FAM83A: variants seen among roughly 807,000 people sequenced by gnomAD.
The protein encoded by FAM83A is scaffolding CK1 anchoring protein A, also known as protein FAM83A.
Under a neutral mutation model 24.4 loss-of-function variants are expected in FAM83A, and 21 were observed. The ratio of observed to expected loss-of-function variants is 0.86; its 90% confidence interval spans 0.61 to 1.24. The LOEUF (loss-of-function observed/expected upper bound fraction) is 1.24, where lower values mean the gene tolerates loss of function less well. FAM83A is among the 50% of genes most tolerant of loss of function. The probability of loss-of-function intolerance (pLI) is 0.00; values close to 1 mark genes in which losing one functional copy is unlikely to be tolerated. For synonymous variants in FAM83A, 270 were observed against 252.4 expected (o/e 1.07, Z -0.66); for missense variants, 617 against 579.8 (o/e 1.06, Z -0.66).
At chr8:123,183,161 C>T (rs201999592) in exon 1 of FAM83A, 4 of 1,613,826 alleles carry the variant, frequency 2.5e-6, no homozygotes, top group African/African-American at 1.3e-5. Flanking sequence ...TCCCTACAGT[C>T]CGGCACCTAC....
At chr8:123,207,043 C>T (rs1201667255) in intron 3 of FAM83A, 114 bp from the exon 4 acceptor site, 2 of 425,478 alleles carry the variant, frequency 4.7e-6, no homozygotes, top group Non-Finnish European at 7.4e-6. Context: ...CCTCTCCCTC[C>T]TTCTCCTTCC....
intron 1 of FAM83A, among the ~76,000 whole-genome samples, chr8:123,185,815 G>A (rs1208868574): frequency 6.6e-6 from 1 of 152,160 alleles, no homozygotes; most frequent in Non-Finnish European, 1.5e-5. Flanking sequence ...TTTTGAGACG[G>A]AGTCTCACTC....
At chr8:123,207,242 C>T in exon 4 of FAM83A, 1 of 1,612,768 alleles carries the variant, frequency 6.2e-7, no homozygotes, top group Non-Finnish European at 8.5e-7. Flanking sequence ...CGAGGAGTTC[C>T]GCCACCTCTA....
Position 123,209,084 on chromosome 8 carries a change from G to A in FAM83A, c.*1396G>A. 1 of 1,013,396 alleles carries A rather than the reference G, an allele frequency of 9.9e-7. No homozygotes were observed. 62.8% of individuals were successfully genotyped at this position (1,013,396 alleles called of 1,614,324 possible). Reference sequence around the variant, plus strand: ...TTAACCCTGCACCTCAGGTGTGATAGTGGGGTCAGTGGTATGTGATCCAGG... The same window carrying A: ...TTAACCCTGCACCTCAGGTGTGATAATGGGGTCAGTGGTATGTGATCCAGG... On this transcript the variant is annotated 3_prime_UTR_variant, in exon 4 of 4. Transcript: ENST00000690554. The surrounding 1 kb of genome is among the most constrained non-coding windows in gnomAD (Gnocchi z 4.7).
chr8:123,190,799 C>T (rs1435736619), intron 1 of FAM83A, among the ~76,000 whole-genome samples: 1 of 152,192 alleles, frequency 6.6e-6, no homozygotes, highest in Non-Finnish European at 1.5e-5. Flanking sequence ...CTCCTGGCTG[C>T]TTTCTCCAGG....
intron 1 of FAM83A, among the ~76,000 whole-genome samples, chr8:123,190,930 T>A (rs1823952790): frequency 6.6e-6 from 1 of 152,038 alleles, no homozygotes; most frequent in Non-Finnish European, 1.5e-5. Flanking sequence ...TTCCCAGGAG[T>A]CCCAGCTAAA....
At chr8:123,195,310 G>A (rs1824112027) in intron 3 of FAM83A, among the ~76,000 whole-genome samples, 1 of 152,134 alleles carries the variant, frequency 6.6e-6, no homozygotes, top group Admixed American at 6.5e-5. Flanking sequence ...CTTTCCCCAG[G>A]GAGCAGGAGC....
At chr8:123,206,231 C>T (rs936566244) in intron 3 of FAM83A, among the ~76,000 whole-genome samples, 1 of 152,114 alleles carries the variant, frequency 6.6e-6, no homozygotes. Context: ...TGGCCCCAGG[C>T]CTCTCCTTGA....
At chr8:123,207,414 C>G in exon 4 of FAM83A, 1 of 1,610,510 alleles carries the variant, frequency 6.2e-7, no homozygotes, top group Admixed American at 1.7e-5. Flanking sequence ...GGCAGCCACC[C>G]CGGTACCCGA....
exon 1 of FAM83A, chr8:123,183,235 C>A (rs1159052765): frequency 1.2e-6 from 2 of 1,613,310 alleles, no homozygotes; most frequent in South Asian, 1.1e-5. Context: ...AGCTGAGAAG[C>A]CCTACCTGAA....
chr8:123,200,988 C>CAT (rs1554630486), intron 3 of FAM83A, among the ~76,000 whole-genome samples: 15 of 145,714 alleles, frequency 1.0e-4, no homozygotes, highest in African/African-American at 3.9e-4. Flanking sequence ...TATATATACA[C>CAT]ATATATACAA....
chr8:123,209,683 C>A lies in FAM83A; in HGVS notation c.*1995C>A. 1.0e-6 allele frequency: 1 copy of A among 1,000,936 alleles called. No homozygotes were observed. The highest frequency in any genetic ancestry group is 1.5e-6 in the Non-Finnish European group (1 of 665,222). 62.0% of individuals were successfully genotyped at this position (1,000,936 alleles called of 1,614,324 possible). On this transcript the variant is annotated 3_prime_UTR_variant, in exon 4 of 4. Transcript: ENST00000690554. The surrounding 1 kb of genome is among the most constrained non-coding windows in gnomAD (Gnocchi z 4.7). ...GGCCTCAGCCTGTGCCTGTGTCGAG[C>A]TCAGTCCTGGGAGATAGGGGAGAAC... is the stretch of plus-strand genomic sequence containing the variant.
chr8:123,204,679 T>C (rs1192475056), intron 3 of FAM83A, among the ~76,000 whole-genome samples: 1 of 151,966 alleles, frequency 6.6e-6, no homozygotes, highest in Admixed American at 6.5e-5. Context: ...GGAGAATGGC[T>C]TGAACCCAGG....
intron 1 of FAM83A, among the ~76,000 whole-genome samples, chr8:123,189,505 A>G (rs1172707240): frequency 6.6e-6 from 1 of 152,220 alleles, no homozygotes; most frequent in African/African-American, 2.4e-5. Context: ...TTGGCCCCCA[A>G]AATCACTAAG....
chr8:123,206,441 T>C (rs1400620636), intron 3 of FAM83A, among the ~76,000 whole-genome samples: 1 of 152,166 alleles, frequency 6.6e-6, no homozygotes, highest in Non-Finnish European at 1.5e-5. Context: ...CAGTCCGGCT[T>C]CCCAAGAGCA....
chr8:123,182,062 C>A (rs139362156), upstream of FAM83A: 1,767 of 456,304 alleles, frequency 3.9e-3, 24 homozygotes, highest in African/African-American at 0.023. Flanking sequence ...TCGTGGGCCG[C>A]CGGCAGCCTC....
rs897423770 is a variant in FAM83A, at chr8:123,202,417, C to G, written c.774-4740C>G. 3 of 153,288 alleles carry G rather than the reference C, an allele frequency of 2.0e-5. No individual in the cohort carries two copies. In the Admixed American group the frequency reaches 2.0e-4, roughly 10 times the overall value. 9.5% of individuals were successfully genotyped at this position (153,288 alleles called of 1,614,324 possible). A position where few individuals can be genotyped will look rare whatever the true frequency, so the allele number is the denominator to read the frequency against. On this transcript the variant is annotated intron_variant, in intron 3 of 3. Coordinates refer to ENST00000690554, the Ensembl canonical transcript of FAM83A. ...TTCCAGATCATTGCCTCAGAGACCT[C>G]TGATCACCACCCCGAGCCCTCTTAT...
intron 1 of FAM83A, among the ~76,000 whole-genome samples, chr8:123,183,565 G>A (rs1446555505): frequency 6.6e-6 from 1 of 151,862 alleles, no homozygotes; most frequent in Non-Finnish European, 1.5e-5. Flanking sequence ...TCCCGCAATC[G>A]CTTCCTGCCT....
intron 3 of FAM83A, among the ~76,000 whole-genome samples, chr8:123,196,032 G>C (rs1824139317): frequency 6.6e-6 from 1 of 152,182 alleles, no homozygotes; most frequent in African/African-American, 2.4e-5. Context: ...GTTTTTTTGA[G>C]ACGGAGTCTC....
Sources: allele counts gnomAD v4.1 joint callset (sites outside exome capture counted in the v4.1 genomes callset), GRCh38; gene constraint gnomAD v4.1.1; non-coding constraint Gnocchi (gnomAD v3.1); transcripts MANE v1.5; gene names NCBI Gene and HGNC (gene_info 2026-07-23, HGNC 2026-07-21).